Variants in PHACTR3 observed in about 807,000 individuals in gnomAD.
The protein encoded by PHACTR3 is protein phosphatase 1, regulatory subunit 123.
PHACTR3 carries 16 observed loss-of-function variants against 66.8 expected under a neutral mutation model. The observed-to-expected ratio is 0.24, with a 90% CI of 0.16 to 0.36. The LOEUF (loss-of-function observed/expected upper bound fraction) is 0.36, where lower values mean the gene tolerates loss of function less well. Among genes scored for constraint, PHACTR3 ranks in the 10% least tolerant of loss-of-function variants. The probability of loss-of-function intolerance (pLI) is 1.00; values close to 1 mark genes in which losing one functional copy is unlikely to be tolerated. For missense variants in PHACTR3, 647 were observed against 719.9 expected (o/e 0.90, Z 1.16); for synonymous variants, 323 against 292.1 (o/e 1.11, Z -1.08).
intron 8 of PHACTR3, among the ~76,000 whole-genome samples, chr20:59,818,635 G>A (rs141874504): frequency 4.6e-5 from 7 of 152,312 alleles, no homozygotes; most frequent in East Asian, 1.9e-4. Context: ...GTGGGTACTC[G>A]GTGATTTTGC....
chr20:59,715,651 A>G (rs1405362966), intron 1 of PHACTR3, among the ~76,000 whole-genome samples: 1 of 152,044 alleles, frequency 6.6e-6, no homozygotes, highest in Non-Finnish European at 1.5e-5. Flanking sequence ...TGATTCCCTC[A>G]TGTTTTTTAT....
chr20:59,820,687 C>G lies in PHACTR3; in HGVS notation c.1328+14493C>G, dbSNP rs779620714. On this transcript the variant is annotated intron_variant, in intron 8 of 12. Transcript: ENST00000371015. The surrounding 1 kb of genome is among the most constrained non-coding windows in gnomAD (Gnocchi z 4.6). Reference sequence around the variant, plus strand: ...AGTGGCCCTGTCCCTGCTGAGGGCTCCAGGGAGGGTCAGCTGCTGTTTGTT... The same window carrying G: ...AGTGGCCCTGTCCCTGCTGAGGGCTGCAGGGAGGGTCAGCTGCTGTTTGTT... 5.9e-5 allele frequency among the ~76,000 whole-genome samples: 9 copies of G among 152,144 alleles called. No homozygotes were observed. The highest frequency in any genetic ancestry group is 1.3e-4 in the Non-Finnish European group (9 of 68,042).
Position 59,829,992 on chromosome 20 carries a change from T to C in PHACTR3, c.1329-6513T>C, listed in dbSNP as rs571746605. On this transcript the variant is annotated intron_variant, in intron 8 of 12. Coordinates refer to ENST00000371015, the MANE Select transcript of PHACTR3 (RefSeq NM_080672.5). This position sits in a 1 kb window ranked among gnomAD's most constrained non-coding sequence, Gnocchi z 4.2. ...CCCGTGTCCTTCCACTTCCTGAAATTACCTGCAGCCCCTGCTGCTGTGCTC... is the reference window on the plus strand; with the variant it reads ...CCCGTGTCCTTCCACTTCCTGAAATCACCTGCAGCCCCTGCTGCTGTGCTC... Among the ~76,000 whole-genome samples, 2 of 151,912 alleles carry C rather than the reference T, an allele frequency of 1.3e-5. No individual in the cohort carries two copies. Among genetic ancestry groups the C allele is most frequent in the African/African-American group, 4.9e-5 (2 of 41,174 alleles).
chr20:59,664,877 A>G (rs2035932478), intron 1 of PHACTR3, among the ~76,000 whole-genome samples: 1 of 152,194 alleles, frequency 6.6e-6, no homozygotes, highest in African/African-American at 2.4e-5. Context: ...TCATCAGACG[A>G]AAGTGAATAC....
intron 8 of PHACTR3, among the ~76,000 whole-genome samples, chr20:59,819,876 G>A (rs535936207): frequency 2.0e-5 from 3 of 152,352 alleles, no homozygotes; most frequent in Admixed American, 6.5e-5. Context: ...CTGGCCACAC[G>A]TCAGCTGAGG....
At chr20:59,725,150 C>T (rs553417166) in intron 1 of PHACTR3, among the ~76,000 whole-genome samples, 1 of 151,178 alleles carries the variant, frequency 6.6e-6, no homozygotes, top group South Asian at 2.1e-4. Context: ...TGGCTGCAAG[C>T]CCAGGTGTGC....
At chr20:59,771,626 CTCTCCT>C (rs2146885564) in intron 5 of PHACTR3, among the ~76,000 whole-genome samples, 1 of 152,196 alleles carries the variant, frequency 6.6e-6, no homozygotes, top group African/African-American at 2.4e-5. Flanking sequence ...TTTTCTCTCC[CTCTCCT>C]TCTGTCTCCT....
intron 1 of PHACTR3, among the ~76,000 whole-genome samples, chr20:59,696,165 G>A (rs1338482563): frequency 6.6e-6 from 1 of 152,228 alleles, no homozygotes; most frequent in Admixed American, 6.5e-5. Flanking sequence ...TACTTAGAGA[G>A]CAGTGCTCTG....
chr20:59,730,435 T>C (rs2038722198), intron 1 of PHACTR3, among the ~76,000 whole-genome samples: 1 of 152,032 alleles, frequency 6.6e-6, no homozygotes, highest in Admixed American at 6.6e-5. Flanking sequence ...ACAGTGGGGG[T>C]TTTATATTTC....
chr20:59,670,602 G>GT (rs2036155213), intron 1 of PHACTR3, among the ~76,000 whole-genome samples: 1 of 128,768 alleles, frequency 7.8e-6, no homozygotes, highest in African/African-American at 3.2e-5. Context: ...CATCTGCCGG[G>GT]GGTGGGGGGG....
chr20:59,641,146 C>A (rs1390599082), intron 1 of PHACTR3, among the ~76,000 whole-genome samples: 3 of 152,082 alleles, frequency 2.0e-5, no homozygotes, highest in Admixed American at 6.5e-5. Flanking sequence ...TATCTATCTA[C>A]CAATCCATCC....
intron 1 of PHACTR3, among the ~76,000 whole-genome samples, chr20:59,670,811 G>T (rs2036171142): frequency 1.3e-5 from 2 of 152,128 alleles, no homozygotes; most frequent in Admixed American, 1.3e-4. Flanking sequence ...AGACCCAGAT[G>T]GTGCTGTGGT....
At chr20:59,728,765 G>A (rs1025626290) in intron 1 of PHACTR3, among the ~76,000 whole-genome samples, 1 of 151,790 alleles carries the variant, frequency 6.6e-6, no homozygotes, top group East Asian at 1.9e-4. Flanking sequence ...CAAAGTATTT[G>A]TTGGGTGCCT....
At chr20:59,685,232 A>G (rs377571871) in intron 1 of PHACTR3, among the ~76,000 whole-genome samples, 19 of 152,158 alleles carry the variant, frequency 1.2e-4, no homozygotes, top group Admixed American at 1.0e-3. Context: ...CCTGAAGTGC[A>G]TATCAGATCT....
In PHACTR3 at chr20:59,743,913, C is replaced by T. The variant is rs920730709; in HGVS notation, c.280+645C>T. ...AAAGCATCCAGAAGGTTCCTCCACTCACCTCCTGCTGCCCCCTCACACCCT... is the reference window on the plus strand; with the variant it reads ...AAAGCATCCAGAAGGTTCCTCCACTTACCTCCTGCTGCCCCCTCACACCCT... On this transcript the variant is annotated intron_variant, in intron 2 of 12. Coordinates refer to ENST00000371015, the MANE Select transcript of PHACTR3 (RefSeq NM_080672.5). Among the ~76,000 whole-genome samples the T allele has an allele frequency of 2.6e-5, 4 of 152,338 alleles. No individual in the cohort carries two copies. In the East Asian group the frequency reaches 7.7e-4, roughly 29 times the overall value.
At chr20:59,758,782 G>A (rs188840941) in intron 4 of PHACTR3, among the ~76,000 whole-genome samples, 13 of 152,310 alleles carry the variant, frequency 8.5e-5, no homozygotes, top group African/African-American at 3.1e-4. Flanking sequence ...ACACACGGCT[G>A]AACTCCTTAC....
intron 1 of PHACTR3, among the ~76,000 whole-genome samples, chr20:59,708,682 G>GT (rs2037807268): frequency 6.6e-6 from 1 of 152,218 alleles, no homozygotes; most frequent in Admixed American, 6.5e-5. Context: ...ACAGCTCATT[G>GT]TCTAGGATCT....
chr20:59,693,831 A>G (rs936705245), intron 1 of PHACTR3, among the ~76,000 whole-genome samples: 16 of 152,178 alleles, frequency 1.1e-4, no homozygotes, highest in Admixed American at 5.9e-4. Context: ...TCCTGTTCAC[A>G]TGGTGGAGGC....
chr20:59,596,306 G>T (rs766009111), intron 1 of PHACTR3, among the ~76,000 whole-genome samples: 7 of 152,160 alleles, frequency 4.6e-5, no homozygotes, highest in South Asian at 2.1e-4. Flanking sequence ...GCTAATTTTT[G>T]TGTGTGTATA....
Sources: allele counts gnomAD v4.1 joint callset (sites outside exome capture counted in the v4.1 genomes callset), GRCh38; gene constraint gnomAD v4.1.1; non-coding constraint Gnocchi (gnomAD v3.1); transcripts MANE v1.5; gene names NCBI Gene and HGNC (gene_info 2026-07-23, HGNC 2026-07-21).